The following GHR variants were observed in gnomAD, a reference collection of about 807,000 sequenced individuals.
GHR encodes GH receptor.
GHR carries 35 observed loss-of-function variants against 67.1 expected under a neutral mutation model. That is an observed-to-expected ratio of 0.52 (90% CI 0.40 to 0.69). GHR has a LOEUF of 0.69. Among genes scored for constraint, GHR ranks in the 30% least tolerant of loss-of-function variants. The pLI is 0.00. For missense variants in GHR, 792 were observed against 764.6 expected (o/e 1.04, Z -0.42); for synonymous variants, 272 against 269.1 (o/e 1.01, Z -0.10).
chr5:42,450,785 T>C (rs1744016343), intron 1 of GHR, among the ~76,000 whole-genome samples: 1 of 152,188 alleles, frequency 6.6e-6, no homozygotes, highest in South Asian at 2.1e-4. Flanking sequence ...TGAAATTTCC[T>C]CTTAGCATCA....
At chr5:42,431,290 A>G (rs558868348) in intron 1 of GHR, among the ~76,000 whole-genome samples, 1 of 152,270 alleles carries the variant, frequency 6.6e-6, no homozygotes, top group South Asian at 2.1e-4. Flanking sequence ...TTTCTGAAAT[A>G]TTGTTTTTCT....
intron 1 of GHR, among the ~76,000 whole-genome samples, chr5:42,490,965 A>G (rs1038971956): frequency 6.6e-6 from 1 of 152,262 alleles, no homozygotes; most frequent in Non-Finnish European, 1.5e-5. Flanking sequence ...CATTTTGGAC[A>G]CTGCAAATGA....
intron 2 of GHR, among the ~76,000 whole-genome samples, chr5:42,586,320 G>T (rs974412781): frequency 2.0e-5 from 3 of 152,160 alleles, no homozygotes; most frequent in African/African-American, 4.8e-5. Flanking sequence ...ACTTCAGGGG[G>T]TGCCAAGCTT....
At position 42,433,712 on chromosome 5, in the gene GHR, G is replaced by A. The variant is rs188629273; in HGVS notation, c.-12+9757G>A. Among the ~76,000 whole-genome samples, 127 of 150,134 alleles carry A rather than the reference G, an allele frequency of 8.5e-4. 1 individual carries two copies. Among genetic ancestry groups the A allele is most frequent in the Non-Finnish European group, 1.4e-3 (96 of 67,632 alleles). ...CCTTCATGGGCAACATGGCTCCTGA[G>A]CCAGTACTTAAGATATGGTATTTTT... On this transcript the variant is annotated intron_variant, in intron 1 of 9. Coordinates refer to ENST00000230882, the MANE Select transcript of GHR (RefSeq NM_000163.5).
intron 3 of GHR, among the ~76,000 whole-genome samples, chr5:42,678,272 G>A (rs1756666858): frequency 6.6e-6 from 1 of 152,088 alleles, no homozygotes; most frequent in Non-Finnish European, 1.5e-5. Flanking sequence ...TAATTTCCTG[G>A]TAGCTTCTTT....
At chr5:42,659,299 C>A (rs1644817186) in intron 3 of GHR, 2 of 152,176 alleles carry the variant, frequency 1.3e-5, no homozygotes, top group African/African-American at 4.8e-5. Context: ...AGACTGTGTT[C>A]TTTCTGCTGC....
chr5:42,441,541 G>A (rs1381752897), intron 1 of GHR, among the ~76,000 whole-genome samples: 11 of 151,502 alleles, frequency 7.3e-5, no homozygotes, highest in African/African-American at 1.5e-4. Context: ...ACGGAGTCTC[G>A]CCATGTCGCC....
At chr5:42,713,849 T>C (rs570105166) in intron 8 of GHR, 2 of 298,932 alleles carry the variant, frequency 6.7e-6, no homozygotes, top group Non-Finnish European at 1.3e-5. Flanking sequence ...GTTGACCCAT[T>C]CATTCCAGGA....
chr5:42,515,335 T>C, intron 1 of GHR, among the ~76,000 whole-genome samples: 1 of 152,246 alleles, frequency 6.6e-6, no homozygotes, highest in East Asian at 1.9e-4. Context: ...AACATGTTTT[T>C]CCTTTTTCAT....
At chr5:42,601,015 C>T (rs1359948334) in intron 2 of GHR, among the ~76,000 whole-genome samples, 1 of 149,562 alleles carries the variant, frequency 6.7e-6, no homozygotes, top group Non-Finnish European at 1.5e-5. Flanking sequence ...CAACCTCCGC[C>T]TCCTGGGTTC....
intron 1 of GHR, among the ~76,000 whole-genome samples, chr5:42,500,698 A>G (rs1746504726): frequency 6.6e-6 from 1 of 152,172 alleles, no homozygotes; most frequent in African/African-American, 2.4e-5. Context: ...GAAGACAGAG[A>G]ACTCAAAATA....
chr5:42,562,887 G>C (rs1275502182), intron 1 of GHR, among the ~76,000 whole-genome samples: 1 of 152,046 alleles, frequency 6.6e-6, no homozygotes, highest in Non-Finnish European at 1.5e-5. Context: ...CTGACCTCAC[G>C]ATCTGCCTGC....
chr5:42,661,362 G>A (rs1036975786), intron 3 of GHR, among the ~76,000 whole-genome samples: 8 of 152,090 alleles, frequency 5.3e-5, no homozygotes, highest in Non-Finnish European at 7.4e-5. Context: ...GAGAAAGGTC[G>A]GGTTACCCAG....
At chr5:42,444,989 C>T (rs1220225612) in intron 1 of GHR, among the ~76,000 whole-genome samples, 1 of 152,212 alleles carries the variant, frequency 6.6e-6, no homozygotes, top group Non-Finnish European at 1.5e-5. Flanking sequence ...CCTTTAGCCT[C>T]ACTCCAGTAT....
intron 1 of GHR, among the ~76,000 whole-genome samples, chr5:42,563,943 A>G (rs1289449437): frequency 6.6e-6 from 1 of 152,142 alleles, no homozygotes; most frequent in East Asian, 1.9e-4. Flanking sequence ...CTGTTCACCT[A>G]GGAGTAAAGG....
intron 1 of GHR, among the ~76,000 whole-genome samples, chr5:42,503,667 T>C (rs558023876): frequency 1.1e-4 from 16 of 152,228 alleles, no homozygotes; most frequent in Admixed American, 2.0e-4. Context: ...CAAATATATA[T>C]CATGTCAGGT....
At chr5:42,436,328 C>T (rs988403138) in intron 1 of GHR, among the ~76,000 whole-genome samples, 1 of 152,200 alleles carries the variant, frequency 6.6e-6, no homozygotes, top group Non-Finnish European at 1.5e-5. Context: ...CACTTCTCCA[C>T]TTGCTTAACC....
intron 3 of GHR, among the ~76,000 whole-genome samples, chr5:42,674,269 T>C (rs1270277359): frequency 6.6e-6 from 1 of 152,192 alleles, no homozygotes. Context: ...CAATAGAGGC[T>C]AAAAAGAAAA....
intron 2 of GHR, among the ~76,000 whole-genome samples, chr5:42,608,638 T>C (rs966945149): frequency 2.0e-5 from 3 of 152,188 alleles, no homozygotes; most frequent in African/African-American, 7.2e-5. Context: ...TAATATAGTA[T>C]TTCAAATATA....
Sources: gnomAD v4.1 joint callset for allele counts (sites outside exome capture counted in the v4.1 genomes callset) on GRCh38, gnomAD v4.1.1 for gene constraint, MANE v1.5 for transcripts, NCBI Gene and HGNC (gene_info 2026-07-23, HGNC 2026-07-21) for gene names.